Variants in ALK observed in about 807,000 individuals in gnomAD.
ALK encodes ALK tyrosine kinase receptor.
ALK carries 74 observed loss-of-function variants against 163.1 expected under a neutral mutation model. The observed-to-expected ratio is 0.45, with a 90% confidence interval of 0.38 to 0.55. The LOEUF is 0.55. Among genes scored for constraint, ALK ranks in the 20% least tolerant of loss-of-function variants. ALK has a pLI of 0.00. For synonymous variants in ALK, 960 were observed against 843.2 expected (o/e 1.14, Z -2.40); for missense variants, 2,063 against 2,105.3 (o/e 0.98, Z 0.39).
intron 1 of ALK, among the ~76,000 whole-genome samples, chr2:29,743,190 AT>A (rs1680108666): frequency 6.6e-6 from 1 of 152,180 alleles, no homozygotes; most frequent in Admixed American, 6.5e-5. Context: ...CATATTGATA[AT>A]GCATAAGCTA....
intron 4 of ALK, among the ~76,000 whole-genome samples, chr2:29,430,045 A>C (rs1378439753): frequency 6.6e-6 from 1 of 152,174 alleles, no homozygotes; most frequent in Non-Finnish European, 1.5e-5. Context: ...ATAAGATATA[A>C]AACTTAAAGT....
At chr2:29,459,911 T>C (rs533638677) in intron 4 of ALK, among the ~76,000 whole-genome samples, 16 of 152,170 alleles carry the variant, frequency 1.1e-4, no homozygotes, top group East Asian at 7.7e-4. Context: ...TCCTGACTGA[T>C]ATAGAAGTAT....
At chr2:29,499,292 G>A (rs1672108751) in intron 4 of ALK, among the ~76,000 whole-genome samples, 1 of 152,088 alleles carries the variant, frequency 6.6e-6, no homozygotes, top group African/African-American at 2.4e-5. Flanking sequence ...TGCCTCTCAG[G>A]TTCAAGTGAT....
intron 1 of ALK, among the ~76,000 whole-genome samples, chr2:29,802,986 A>T (rs1170817511): frequency 6.6e-6 from 1 of 152,180 alleles, no homozygotes. Context: ...ATGGGATTTT[A>T]AAAAAATAAC....
intron 1 of ALK, among the ~76,000 whole-genome samples, chr2:29,806,943 G>A (rs183657107): frequency 3.3e-5 from 5 of 152,360 alleles, no homozygotes; most frequent in Admixed American, 1.3e-4. Context: ...AAACATAGAT[G>A]TGTGCGCACA....
At chr2:29,578,834 C>A (rs1674596642) in intron 3 of ALK, among the ~76,000 whole-genome samples, 1 of 152,192 alleles carries the variant, frequency 6.6e-6, no homozygotes, top group Admixed American at 6.5e-5. Context: ...TAGTGCAGAT[C>A]CCAGCCTGGG....
chr2:29,276,166 G>A (rs1040705183), intron 9 of ALK, among the ~76,000 whole-genome samples: 1 of 152,072 alleles, frequency 6.6e-6, no homozygotes, highest in Non-Finnish European at 1.5e-5. Flanking sequence ...AAGCATCCTG[G>A]GTTTCATCCA....
At chr2:29,785,279 G>T (rs1003190217) in intron 1 of ALK, among the ~76,000 whole-genome samples, 1 of 152,100 alleles carries the variant, frequency 6.6e-6, no homozygotes, top group Non-Finnish European at 1.5e-5. Flanking sequence ...GAGGGGAGTG[G>T]GGAGGTGGGA....
chr2:29,568,370 T>G (rs1305451129), intron 3 of ALK, among the ~76,000 whole-genome samples: 1 of 152,334 alleles, frequency 6.6e-6, no homozygotes, highest in South Asian at 2.1e-4. Flanking sequence ...ATTTTTTCTT[T>G]CCATTGCCAC....
chr2:29,866,223 T>G (rs1666431592), intron 1 of ALK, among the ~76,000 whole-genome samples: 1 of 152,148 alleles, frequency 6.6e-6, no homozygotes, highest in Admixed American at 6.5e-5. Flanking sequence ...TGAGGCCACT[T>G]CATCCCTCAA....
intron 4 of ALK, among the ~76,000 whole-genome samples, chr2:29,397,922 T>C (rs1669348914): frequency 6.6e-6 from 1 of 152,212 alleles, no homozygotes; most frequent in African/African-American, 2.4e-5. Context: ...CTCTGCTGTA[T>C]CAGCCATATG....
intron 1 of ALK, among the ~76,000 whole-genome samples, chr2:29,734,537 TAC>T (rs1679839793): frequency 6.6e-6 from 1 of 151,594 alleles, no homozygotes; most frequent in Non-Finnish European, 1.5e-5. Flanking sequence ...ATAGTATCTT[TAC>T]TATCAAAATG....
intron 3 of ALK, among the ~76,000 whole-genome samples, chr2:29,648,451 C>T (rs1676948085): frequency 6.6e-6 from 1 of 152,134 alleles, no homozygotes; most frequent in Non-Finnish European, 1.5e-5. Flanking sequence ...ATCTTCAGAA[C>T]TCTTTTCACC....
intron 4 of ALK, among the ~76,000 whole-genome samples, chr2:29,493,008 T>C (rs1254644915): frequency 6.6e-6 from 1 of 152,190 alleles, no homozygotes; most frequent in Non-Finnish European, 1.5e-5. Flanking sequence ...ACTTGGCAGG[T>C]CAAGGAATGC....
intron 1 of ALK, among the ~76,000 whole-genome samples, chr2:29,778,121 TCAGGACAGGACAACAAG>T (rs2148348742): frequency 6.6e-6 from 1 of 152,322 alleles, no homozygotes; most frequent in East Asian, 1.9e-4. Flanking sequence ...AGGGGAGTCC[TCAGGACAGGACAACAAG>T]TCTAGGAGAA....
chr2:29,519,682 T>C (rs753447866), intron 4 of ALK, among the ~76,000 whole-genome samples: 2 of 152,172 alleles, frequency 1.3e-5, no homozygotes, highest in Non-Finnish European at 2.9e-5. Flanking sequence ...ATGGAAGTCA[T>C]CTGGATCTAC....
At chr2:29,459,699 T>G (rs2148100992) in intron 4 of ALK, among the ~76,000 whole-genome samples, 1 of 152,212 alleles carries the variant, frequency 6.6e-6, no homozygotes, top group Admixed American at 6.5e-5. Flanking sequence ...GACACTGAAG[T>G]AACAAGCATA....
chr2:29,424,351 T>C (rs116453122), intron 4 of ALK, among the ~76,000 whole-genome samples: 12,828 of 152,282 alleles, frequency 0.084, 732 homozygotes, highest in Non-Finnish European at 0.13. Flanking sequence ...AAAAGAATAC[T>C]ACTATAATCT....
chr2:29,757,011 G>A, intron 1 of ALK, among the ~76,000 whole-genome samples: 1 of 152,190 alleles, frequency 6.6e-6, no homozygotes, highest in South Asian at 2.1e-4. Context: ...AAAGCAGAAA[G>A]GGGGCTAGAG....
Sources: allele counts gnomAD v4.1 joint callset (sites outside exome capture counted in the v4.1 genomes callset), GRCh38; gene constraint gnomAD v4.1.1; transcripts MANE v1.5; gene names NCBI Gene and HGNC (gene_info 2026-07-23, HGNC 2026-07-21).